The following CDH10 variants were observed in gnomAD, a reference collection of about 807,000 sequenced individuals.
CDH10 encodes the protein cadherin 10.
Under a neutral mutation model 73.1 loss-of-function variants are expected in CDH10, and 30 were observed. That is an observed-to-expected ratio of 0.41 (90% confidence interval 0.31 to 0.56). The LOEUF (loss-of-function observed/expected upper bound fraction) is 0.56. CDH10 is among the 20% of genes least tolerant of loss of function. The probability of loss-of-function intolerance (pLI) is 0.27; values close to 1 mark genes in which losing one functional copy is unlikely to be tolerated. For synonymous variants in CDH10, 345 were observed against 348.2 expected (o/e 0.99, Z 0.10); for missense variants, 815 against 973.7 (o/e 0.84, Z 2.17).
intron 2 of CDH10, among the ~76,000 whole-genome samples, chr5:24,591,724 C>T (rs1279081192): frequency 1.3e-5 from 2 of 151,674 alleles, no homozygotes; most frequent in African/African-American, 2.4e-5. Context: ...TCTTACTACT[C>T]TAAGAGATAT....
At chr5:24,523,916 T>C (rs1743430115) in intron 5 of CDH10, among the ~76,000 whole-genome samples, 1 of 152,132 alleles carries the variant, frequency 6.6e-6, no homozygotes, top group South Asian at 2.1e-4. Flanking sequence ...ACTATATTGA[T>C]GATCTATCAG....
intron 1 of CDH10, among the ~76,000 whole-genome samples, chr5:24,638,166 T>G (rs1425684896): frequency 6.6e-6 from 1 of 151,800 alleles, no homozygotes; most frequent in East Asian, 1.9e-4. Context: ...TGCCGTTTTT[T>G]TAAGTATCGA....
At chr5:24,598,386 CTG>C (rs1191302684) in intron 1 of CDH10, among the ~76,000 whole-genome samples, 1 of 151,836 alleles carries the variant, frequency 6.6e-6, no homozygotes, top group Non-Finnish European at 1.5e-5. Flanking sequence ...TCTATTTAGA[CTG>C]TAAGTTTGAG....
chr5:24,494,208 A>G (rs952593829), intron 9 of CDH10, among the ~76,000 whole-genome samples: 2 of 151,904 alleles, frequency 1.3e-5, no homozygotes, highest in Non-Finnish European at 3.0e-5. Flanking sequence ...GTAACTTAAA[A>G]TTAAATGTAA....
At chr5:24,496,234 G>C (rs1742284652) in intron 9 of CDH10, among the ~76,000 whole-genome samples, 1 of 152,012 alleles carries the variant, frequency 6.6e-6, no homozygotes, top group Non-Finnish European at 1.5e-5. Flanking sequence ...AGATTTCCTT[G>C]GGAAATCTGT....
chr5:24,606,745 G>A (rs1383227150), intron 1 of CDH10, among the ~76,000 whole-genome samples: 2 of 152,022 alleles, frequency 1.3e-5, no homozygotes, highest in Non-Finnish European at 2.9e-5. Flanking sequence ...ACGTTTAAAC[G>A]TTTAAGAGTA....
chr5:24,504,565 G>A (rs1373831969), intron 8 of CDH10, among the ~76,000 whole-genome samples: 6 of 122,872 alleles, frequency 4.9e-5, no homozygotes, highest in Non-Finnish European at 8.2e-5. Context: ...TCGCTCTGTC[G>A]CCCGGGCTGG....
chr5:24,586,715 G>T (rs1459921352), intron 2 of CDH10, among the ~76,000 whole-genome samples: 1 of 151,744 alleles, frequency 6.6e-6, no homozygotes. Context: ...AAAGTGCTGG[G>T]ATTACAGGCG....
chr5:24,515,118 AC>A (rs1457898337), intron 5 of CDH10, among the ~76,000 whole-genome samples: 1 of 152,234 alleles, frequency 6.6e-6, no homozygotes, highest in Non-Finnish European at 1.5e-5. Context: ...ATTAAAAATA[AC>A]AGATAGTATC....
At chr5:24,503,027 T>G (rs1742552536) in intron 8 of CDH10, among the ~76,000 whole-genome samples, 1 of 152,166 alleles carries the variant, frequency 6.6e-6, no homozygotes, top group Admixed American at 6.5e-5. Context: ...AAATGGATCA[T>G]TTGAAATTAA....
chr5:24,581,734 A>AAG (rs1745809799), intron 2 of CDH10, among the ~76,000 whole-genome samples: 1 of 152,204 alleles, frequency 6.6e-6, no homozygotes, highest in Non-Finnish European at 1.5e-5. Context: ...CATCCAGACG[A>AAG]AGTGTCAAAG....
chr5:24,523,777 T>C (rs1256958979), intron 5 of CDH10, among the ~76,000 whole-genome samples: 1 of 152,170 alleles, frequency 6.6e-6, no homozygotes, highest in African/African-American at 2.4e-5. Flanking sequence ...ATTTCATGTT[T>C]ATGAGAGTTA....
chr5:24,502,132 C>T (rs945553274), intron 8 of CDH10, among the ~76,000 whole-genome samples: 1 of 152,078 alleles, frequency 6.6e-6, no homozygotes, highest in South Asian at 2.1e-4. Context: ...CGGTGTTAGC[C>T]AGGATGGTCT....
In CDH10 at chr5:24,512,471, C is replaced by T. The variant is rs1384203932; in HGVS notation, c.815-957G>A. Among the ~76,000 whole-genome samples the T allele has an allele frequency of 2.6e-5, 4 of 152,134 alleles. No individual in the cohort carries two copies. In the East Asian group the frequency reaches 5.8e-4, roughly 22 times the overall value. On this transcript the variant is annotated intron_variant, in intron 5 of 11. Transcript: ENST00000264463. ...ACTCATACTTATTTCAACTGCATGG[C>T]AGAACATTACAAAATCCAATGAAAT...
chr5:24,508,267 C>A (rs1742770601), intron 7 of CDH10, among the ~76,000 whole-genome samples: 1 of 152,134 alleles, frequency 6.6e-6, no homozygotes, highest in Admixed American at 6.6e-5. Flanking sequence ...ATATGTATTT[C>A]TTTAAAGTAA....
chr5:24,545,404 C>T (rs1281297587), intron 2 of CDH10, among the ~76,000 whole-genome samples: 1 of 152,168 alleles, frequency 6.6e-6, no homozygotes, highest in Non-Finnish European at 1.5e-5. Flanking sequence ...GGAAATATAA[C>T]TTCTTTGCTA....
chr5:24,621,511 CA>C (rs1747316171), intron 1 of CDH10, among the ~76,000 whole-genome samples: 1 of 152,118 alleles, frequency 6.6e-6, no homozygotes, highest in Non-Finnish European at 1.5e-5. Context: ...CAACAATAAC[CA>C]CATGGAAAAA....
At chr5:24,495,673 C>T (rs1385224773) in intron 9 of CDH10, among the ~76,000 whole-genome samples, 1 of 151,530 alleles carries the variant, frequency 6.6e-6, no homozygotes, top group Non-Finnish European at 1.5e-5. Flanking sequence ...ATGGTGAAAC[C>T]CTGCCTCTAC....
chr5:24,558,841 CT>C (rs1157808772), intron 2 of CDH10, among the ~76,000 whole-genome samples: 3 of 151,802 alleles, frequency 2.0e-5, no homozygotes, highest in East Asian at 3.9e-4. Flanking sequence ...TTTTGCTTTG[CT>C]GTGGCCTGCC....
Sources: gnomAD v4.1 joint callset for allele counts (sites outside exome capture counted in the v4.1 genomes callset) on GRCh38, gnomAD v4.1.1 for gene constraint, MANE v1.5 for transcripts, NCBI Gene and HGNC (gene_info 2026-07-23, HGNC 2026-07-21) for gene names.